EPHA5: variants seen among roughly 807,000 people sequenced by gnomAD.
EPHA5 encodes the protein EPH receptor A5, also known as ephrin type-A receptor 5.
In EPHA5, 60 loss-of-function variants were observed where a neutral mutation model predicts 105.0. The ratio of observed to expected loss-of-function variants is 0.57; its 90% confidence interval spans 0.46 to 0.71. The LOEUF is 0.71. Ranked by LOEUF, EPHA5 falls within the 30% of genes least tolerant of loss-of-function variation. The probability of loss-of-function intolerance (pLI) is 0.00; values close to 1 mark genes in which losing one functional copy is unlikely to be tolerated. For missense variants in EPHA5, 1,218 were observed against 1,274.7 expected, an observed-to-expected ratio of 0.96 and a Z score of 0.68; for synonymous variants, 513 against 449.1, an observed-to-expected ratio of 1.14 and a Z score of -1.80.
chr4:65,324,764 T>C (rs1719918332), intron 16 of EPHA5, among the ~76,000 whole-genome samples: 2 of 144,948 alleles, frequency 1.4e-5, no homozygotes, highest in African/African-American at 2.5e-5. Context: ...TTTTTTTACT[T>C]TATACTGAAA....
At chr4:65,448,720 C>T (rs923824731) in intron 5 of EPHA5, among the ~76,000 whole-genome samples, 1 of 152,022 alleles carries the variant, frequency 6.6e-6, no homozygotes, top group Admixed American at 6.6e-5. Flanking sequence ...AAACAAAGCA[C>T]ACAATGGAGA....
intron 8 of EPHA5, among the ~76,000 whole-genome samples, chr4:65,391,840 G>A (rs1162196100): frequency 1.3e-5 from 2 of 152,094 alleles, no homozygotes; most frequent in Non-Finnish European, 2.9e-5. Context: ...CTTCATACTA[G>A]GTGAAATCTA....
At chr4:65,477,394 T>C (rs1482937073) in intron 5 of EPHA5, among the ~76,000 whole-genome samples, 8 of 151,920 alleles carry the variant, frequency 5.3e-5, no homozygotes, top group African/African-American at 1.7e-4. Flanking sequence ...TCACTTCATG[T>C]TTTTTGTTTG....
chr4:65,668,927 A>G (rs1283825209), intron 1 of EPHA5, among the ~76,000 whole-genome samples: 1 of 151,918 alleles, frequency 6.6e-6, no homozygotes, highest in Admixed American at 6.6e-5. Flanking sequence ...TCCCCCAAGA[A>G]GAAGGGCACC....
rs374900894 is a variant in EPHA5 at position 65,495,374 on chromosome 4, G to C, written c.1066+14C>G. On this transcript the variant is annotated intron_variant, in intron 4 of 16. Transcript: ENST00000613740. ...TTAAAGTTAGCACCACCAAATATCCGTGGGTTTCCTTACTTGTGCATGCCA... is the reference window on the plus strand; with the variant it reads ...TTAAAGTTAGCACCACCAAATATCCCTGGGTTTCCTTACTTGTGCATGCCA... 6 of 1,608,288 alleles carry C rather than the reference G, an allele frequency of 3.7e-6. No homozygotes were observed. The highest frequency in any genetic ancestry group is 5.1e-6 in the Non-Finnish European group (6 of 1,177,244).
At chr4:65,428,316 A>T (rs1724646563) in intron 5 of EPHA5, among the ~76,000 whole-genome samples, 1 of 152,160 alleles carries the variant, frequency 6.6e-6, no homozygotes, top group Non-Finnish European at 1.5e-5. Flanking sequence ...CATAAATTTT[A>T]TATACTTACA....
chr4:65,514,244 T>A (rs982440015), intron 3 of EPHA5, among the ~76,000 whole-genome samples: 1 of 152,170 alleles, frequency 6.6e-6, no homozygotes, highest in African/African-American at 2.4e-5. Flanking sequence ...CCACATTCTT[T>A]TCTTGCAATC....
chr4:65,517,825 T>A (rs1055422326), intron 3 of EPHA5, among the ~76,000 whole-genome samples: 8 of 151,920 alleles, frequency 5.3e-5, no homozygotes, highest in African/African-American at 9.7e-5. Flanking sequence ...TCCAAAAAAG[T>A]TTTTCAAAGT....
At chr4:65,644,474 T>C (rs1435112735) in intron 1 of EPHA5, among the ~76,000 whole-genome samples, 1 of 152,066 alleles carries the variant, frequency 6.6e-6, no homozygotes, top group African/African-American at 2.4e-5. Flanking sequence ...TGTAGAGGTA[T>C]TGAGGCTTCC....
At chr4:65,644,732 G>T (rs1747968862) in intron 1 of EPHA5, among the ~76,000 whole-genome samples, 2 of 151,770 alleles carry the variant, frequency 1.3e-5, no homozygotes, top group Non-Finnish European at 2.9e-5. Flanking sequence ...TGAGACAAAA[G>T]CACGTTTGGG....
chr4:65,586,367 T>C (rs1284777063), intron 3 of EPHA5, among the ~76,000 whole-genome samples: 2 of 151,786 alleles, frequency 1.3e-5, no homozygotes, highest in Non-Finnish European at 2.9e-5. Context: ...TTTTTTCATA[T>C]TACTGATGCC....
chr4:65,608,252 C>T (rs1004779254), intron 2 of EPHA5, among the ~76,000 whole-genome samples: 3 of 152,076 alleles, frequency 2.0e-5, no homozygotes, highest in African/African-American at 7.2e-5. Context: ...GCCTGTAATC[C>T]CAGCACTTTG....
intron 3 of EPHA5, among the ~76,000 whole-genome samples, chr4:65,500,967 A>C (rs957696059): frequency 1.3e-5 from 2 of 151,322 alleles, no homozygotes; most frequent in Non-Finnish European, 3.0e-5. Context: ...TTGAGAAAGA[A>C]AATCACTATG....
chr4:65,669,587 G>T lies in EPHA5; in HGVS notation c.156C>A (p.Thr52=). ...CTTCGTTGCTGGGGCTGGCCAGGAG[G>T]GTCCGGAGTGCGGCGCACAGGAGAA... The part of the protein sequence containing the change: ...TCLLLCAALR[T]LLASPSNEVN... Residue 52 remains threonine, a synonymous_variant, in exon 1 of 17, where the codon ACC becomes ACA. Transcript: ENST00000613740. 7.0e-7 allele frequency: 1 copy of T among 1,432,288 alleles called. No individual in the cohort carries two copies. The highest frequency in any genetic ancestry group is 9.2e-7 in the Non-Finnish European group (1 of 1,088,366). 88.7% of individuals were successfully genotyped at this position (1,432,288 alleles called of 1,614,324 possible). A position where few individuals can be genotyped will look rare whatever the true frequency, so the allele number is the denominator to read the frequency against.
At chr4:65,517,194 A>G (rs1454019977) in intron 3 of EPHA5, among the ~76,000 whole-genome samples, 1 of 151,884 alleles carries the variant, frequency 6.6e-6, no homozygotes, top group African/African-American at 2.4e-5. Context: ...GGAGTTAACT[A>G]TTTTATCACT....
At chr4:65,615,155 T>A (rs961907950) in intron 2 of EPHA5, among the ~76,000 whole-genome samples, 2 of 151,720 alleles carry the variant, frequency 1.3e-5, no homozygotes, top group African/African-American at 4.8e-5. Flanking sequence ...TATAGATCTC[T>A]AGGAAAAATA....
Position 65,614,403 on chromosome 4 carries a change from A to G in EPHA5, c.247-12099T>C, listed in dbSNP as rs1386928128. On this transcript the variant is annotated intron_variant, in intron 2 of 16. Coordinates refer to ENST00000613740, the MANE Select transcript of EPHA5 (RefSeq NM_001281766.3). The stretch of plus-strand genomic sequence containing the variant: ...GTTTTAACATAATATCTTAGATATT[A>G]TTTCATACTTTTACATCTATTTGTA... Among the ~76,000 whole-genome samples, 5 of 151,976 alleles carry G rather than the reference A, an allele frequency of 3.3e-5. No homozygotes were observed. In the East Asian group the frequency reaches 7.7e-4, roughly 23 times the overall value.
chr4:65,444,543 A>C lies in EPHA5; in HGVS notation c.1403-23978T>G, dbSNP rs190784900. On this transcript the variant is annotated intron_variant, in intron 5 of 16. Transcript: ENST00000613740. The stretch of plus-strand genomic sequence containing the variant: ...CTGGTTTTTCCAACTGAGAGAAATT[A>C]AGTTTAAACAGGTGAAGTGATTGGC... Among the ~76,000 whole-genome samples, 20 of 152,296 alleles carry C rather than the reference A, an allele frequency of 1.3e-4. No individual in the cohort carries two copies. In the East Asian group the frequency reaches 1.9e-3, roughly 15 times the overall value.
chr4:65,355,472 C>A (rs891171324), intron 11 of EPHA5, among the ~76,000 whole-genome samples: 3 of 151,574 alleles, frequency 2.0e-5, no homozygotes, highest in African/African-American at 7.3e-5. Flanking sequence ...GGACCTCAGG[C>A]AAACTCTAAA....
Sources: gnomAD v4.1 joint callset for allele counts (sites outside exome capture counted in the v4.1 genomes callset) on GRCh38, gnomAD v4.1.1 for gene constraint, MANE v1.5 for transcripts, NCBI Gene and HGNC (gene_info 2026-07-23, HGNC 2026-07-21) for gene names.